Variants in TBC1D8 observed in about 807,000 individuals in gnomAD.
The protein encoded by TBC1D8 is TBC1 domain family member 8, also known as BUB2-like protein 1.
TBC1D8 carries 65 observed loss-of-function variants against 118.8 expected under a neutral mutation model. The observed-to-expected ratio is 0.55, with a 90% CI of 0.45 to 0.67. The LOEUF is 0.67. Among genes scored for constraint, TBC1D8 ranks in the 30% least tolerant of loss-of-function variants. The pLI, the probability that TBC1D8 is intolerant of heterozygous loss-of-function variation, is 0.00. For missense variants in TBC1D8, 1,376 were observed against 1,471.2 expected, an observed-to-expected ratio of 0.94 and a Z score of 1.06; for synonymous variants, 566 against 595.8, an observed-to-expected ratio of 0.95 and a Z score of 0.73.
chr2:101,010,199 G>A (rs1310461348), intron 19 of TBC1D8, among the ~76,000 whole-genome samples: 1 of 152,166 alleles, frequency 6.6e-6, no homozygotes. Context: ...TATGGAACCT[G>A]AATATGGCAC....
intron 1 of TBC1D8, among the ~76,000 whole-genome samples, chr2:101,125,840 G>A (rs1233757372): frequency 6.6e-6 from 1 of 152,108 alleles, no homozygotes; most frequent in African/African-American, 2.4e-5. Context: ...AAACATTCCC[G>A]AACTTCATTT....
intron 1 of TBC1D8, among the ~76,000 whole-genome samples, chr2:101,140,071 C>A (rs1402355828): frequency 6.6e-6 from 1 of 152,122 alleles, no homozygotes; most frequent in African/African-American, 2.4e-5. Context: ...CAGTTTGAAG[C>A]ATAAAACCTC....
intron 19 of TBC1D8, 103 bp from the exon 20 acceptor site, chr2:101,008,376 T>TGAA (rs1678908615): frequency 2.2e-6 from 2 of 909,094 alleles, no homozygotes; most frequent in Non-Finnish European, 3.2e-6. Flanking sequence ...ACAGTATTTT[T>TGAA]GAAGACACAG....
At chr2:101,112,086 CCT>C (rs1390930354) in intron 1 of TBC1D8, among the ~76,000 whole-genome samples, 8 of 152,174 alleles carry the variant, frequency 5.3e-5, no homozygotes, top group Non-Finnish European at 1.0e-4. Context: ...CTGACACAGT[CCT>C]CTAGCTGCTC....
At chr2:101,136,934 C>T (rs1678877957) in intron 1 of TBC1D8, among the ~76,000 whole-genome samples, 1 of 152,214 alleles carries the variant, frequency 6.6e-6, no homozygotes, top group African/African-American at 2.4e-5. Flanking sequence ...CTGCGCAATG[C>T]TCTTTACGCC....
chr2:101,011,461 C>T lies in TBC1D8; in HGVS notation c.2907G>A (p.Gly969=), dbSNP rs780635730. 97 of 1,613,766 alleles carry T rather than the reference C, an allele frequency of 6.0e-5. 1 individual carries two copies. The Admixed American group carries it at 1.5e-3, about 25-fold the overall frequency. The part of the protein sequence containing the change: ...LLSTSRPLVF[G]KPNGDAVDYQ... Reference sequence around the variant, plus strand: ...AAAAGAGGTACGTGCCATTGGGTTTCCCGAAAACCAGGGGTCTCGATGTTG... The same window carrying T: ...AAAAGAGGTACGTGCCATTGGGTTTTCCGAAAACCAGGGGTCTCGATGTTG... The change falls in exon 18 of 20, where the codon GGG becomes GGA. Residue 969 remains glycine, a synonymous_variant. Coordinates refer to ENST00000409318, the MANE Select transcript of TBC1D8 (RefSeq NM_001330348.2).
rs1680812228 is a variant in TBC1D8, at chr2:101,033,651, G to A, written c.1711C>T (p.Arg571Cys). The change falls in exon 10 of 20, where the codon CGC (arginine) becomes TGC (cysteine). Residue 571 changes from arginine (R) to cysteine (C), a missense_variant. Physicochemically the swap from Arg to Cys is radical, Grantham distance 180. Coordinates refer to ENST00000409318, the MANE Select transcript of TBC1D8 (RefSeq NM_001330348.2). ...VTEEIERDLHRSLPEHPAFQN... is the reference protein window; with the variant it reads ...VTEEIERDLHCSLPEHPAFQN... ...AAGGCGGGGTGCTCTGGCAGGGAGC[G>A]GTGCAGGTCTCGTTCTATCTCCTCG... is the stretch of plus-strand genomic sequence containing the variant. 3.1e-6 allele frequency: 5 copies of A among 1,613,810 alleles called. No homozygotes were observed. Among genetic ancestry groups the A allele is most frequent in the Non-Finnish European group, 4.2e-6 (5 of 1,179,892 alleles).
intron 4 of TBC1D8, among the ~76,000 whole-genome samples, chr2:101,053,810 A>G (rs896384047): frequency 6.6e-6 from 1 of 152,246 alleles, no homozygotes; most frequent in African/African-American, 2.4e-5. Context: ...ACTTTGAGAA[A>G]TATTAAGCCA....
intron 10 of TBC1D8, 127 bp downstream of exon 10, chr2:101,033,417 C>T: frequency 2.7e-6 from 3 of 1,123,922 alleles, no homozygotes; most frequent in Non-Finnish European, 4.0e-6. Context: ...CGGAAAGGGA[C>T]CGAGTACAGC....
chr2:101,107,538 C>T (rs1226411697), intron 1 of TBC1D8, among the ~76,000 whole-genome samples: 1 of 152,144 alleles, frequency 6.6e-6, no homozygotes, highest in African/African-American at 2.4e-5. Flanking sequence ...TATAGACATG[C>T]ATATACACAA....
chr2:101,066,936 G>C (rs906070646), intron 2 of TBC1D8, among the ~76,000 whole-genome samples: 9 of 115,188 alleles, frequency 7.8e-5, no homozygotes, highest in African/African-American at 2.9e-4. Flanking sequence ...GACAGAGCGA[G>C]AGTATCCCAA....
chr2:101,142,016 G>A (rs1289270092), intron 1 of TBC1D8, among the ~76,000 whole-genome samples: 1 of 152,038 alleles, frequency 6.6e-6, no homozygotes, highest in African/African-American at 2.4e-5. Flanking sequence ...TACCAGATTG[G>A]CAAAAAGTAA....
At chr2:101,073,286 A>ATTTTTT (rs1558676266) in intron 2 of TBC1D8, among the ~76,000 whole-genome samples, 1 of 142,858 alleles carries the variant, frequency 7.0e-6, no homozygotes, top group African/African-American at 2.7e-5. Flanking sequence ...ATTTTATTTT[A>ATTTTTT]TTTTATTTTA....
intron 2 of TBC1D8, among the ~76,000 whole-genome samples, chr2:101,086,308 C>T (rs1399795805): frequency 6.6e-6 from 1 of 151,990 alleles, no homozygotes; most frequent in African/African-American, 2.4e-5. Flanking sequence ...CAGATAACAG[C>T]TATCCAACAT....
intron 2 of TBC1D8, among the ~76,000 whole-genome samples, chr2:101,086,335 G>C (rs1370000946): frequency 6.6e-6 from 1 of 151,954 alleles, no homozygotes; most frequent in East Asian, 1.9e-4. Context: ...TCCTTGAAGT[G>C]GAAAAGTTAA....
At chr2:101,141,264 C>T (rs1437098569) in intron 1 of TBC1D8, among the ~76,000 whole-genome samples, 1 of 152,148 alleles carries the variant, frequency 6.6e-6, no homozygotes, top group Admixed American at 6.6e-5. Flanking sequence ...AACTACAGTA[C>T]TTTTTCCACA....
chr2:101,011,128 A>T, intron 18 of TBC1D8, 102 bp from the exon 19 acceptor site: 1 of 1,120,442 alleles, frequency 8.9e-7, no homozygotes, highest in Non-Finnish European at 1.3e-6. Context: ...GAGGAATTCC[A>T]CTAAGCAAAT....
At chr2:101,078,369 T>C (rs1573992234) in intron 2 of TBC1D8, among the ~76,000 whole-genome samples, 1 of 152,158 alleles carries the variant, frequency 6.6e-6, no homozygotes, top group South Asian at 2.1e-4. Flanking sequence ...AGCTATGGAT[T>C]AAAACCCAGA....
At chr2:101,023,669 C>CG (rs2105378852) in intron 15 of TBC1D8, 1 of 417,694 alleles carries the variant, frequency 2.4e-6, no homozygotes, top group Non-Finnish European at 4.8e-6. Context: ...AGACTGAAAA[C>CG]TAACAAAACC....
Sources: gnomAD v4.1 joint callset for allele counts (sites outside exome capture counted in the v4.1 genomes callset) on GRCh38, gnomAD v4.1.1 for gene constraint, MANE v1.5 for transcripts, NCBI Gene and HGNC (gene_info 2026-07-23, HGNC 2026-07-21) for gene names.